PRMT7: variants seen among roughly 807,000 people sequenced by gnomAD.
The protein encoded by PRMT7 is protein arginine N-methyltransferase 7.
In PRMT7, 75 loss-of-function variants were observed where a neutral mutation model predicts 85.4. The observed-to-expected ratio is 0.88, with a 90% CI of 0.73 to 1.06. PRMT7 has a LOEUF of 1.06. Ranked by LOEUF, PRMT7 falls within the 50% of genes least tolerant of loss-of-function variation. The pLI is 0.00. For synonymous variants in PRMT7, 397 were observed against 359.5 expected (o/e 1.10, Z -1.18); for missense variants, 868 against 915.2 (o/e 0.95, Z 0.67).
chr16:68,319,376 G>A (rs563793847), intron 3 of PRMT7, among the ~76,000 whole-genome samples: 11 of 152,256 alleles, frequency 7.2e-5, no homozygotes, highest in Non-Finnish European at 1.3e-4. Flanking sequence ...CAGAGGCACT[G>A]GGAAGTCCCA....
At chr16:68,330,029 G>T (rs1049574682) in intron 6 of PRMT7, among the ~76,000 whole-genome samples, 2 of 152,140 alleles carry the variant, frequency 1.3e-5, no homozygotes, top group African/African-American at 2.4e-5. Context: ...AAGTAGCGGT[G>T]ATTACAGGTG....
At position 68,356,776 on chromosome 16, in the gene PRMT7, C is replaced by G; in HGVS notation, c.1887C>G (p.Leu629=). The change falls in exon 18 of 19, where the codon CTC becomes CTG. Residue 629 remains leucine (L), a synonymous_variant. Coordinates refer to ENST00000441236, the MANE Select transcript of PRMT7 (RefSeq NM_019023.5). ...CGGAGTGCACGCTCAGCACTGGCCT[C>G]CTGGAGCCTGCAGACCCCGAGGTAG... ...LTPECTLSTG[L]LEPADPEGGC... is the part of the protein sequence containing the mutation. 1 of 1,609,944 alleles carries G rather than the reference C, an allele frequency of 6.2e-7. No homozygotes were observed. Among genetic ancestry groups the G allele is most frequent in the Non-Finnish European group, 8.5e-7 (1 of 1,179,436 alleles).
At chr16:68,320,035 CAT>C (rs778629517) in intron 3 of PRMT7, among the ~76,000 whole-genome samples, 24 of 152,318 alleles carry the variant, frequency 1.6e-4, no homozygotes, top group Admixed American at 7.8e-4. Flanking sequence ...GTACCTGTCA[CAT>C]ATACAGTGGG....
At chr16:68,327,929 CAAA>C (rs573968363) in intron 5 of PRMT7, among the ~76,000 whole-genome samples, 7 of 92,944 alleles carry the variant, frequency 7.5e-5, no homozygotes, top group African/African-American at 1.2e-4. Context: ...AGACCCTTCT[CAAA>C]AAAAAAAAAA....
In PRMT7 at chr16:68,311,159, A is replaced by C. The variant is rs1597039093; in HGVS notation, c.-219+60A>C. 1.2e-4 allele frequency: 78 copies of C among 634,474 alleles called. 1 individual carries two copies. In the East Asian group the frequency reaches 2.1e-3, roughly 17 times the overall value. 39.3% of individuals were successfully genotyped at this position (634,474 alleles called of 1,614,324 possible). A position where few individuals can be genotyped will look rare whatever the true frequency, so the allele number is the denominator to read the frequency against. On this transcript the variant is annotated intron_variant, in intron 1 of 18. Transcript: ENST00000441236. The stretch of plus-strand genomic sequence containing the variant: ...CTTTGGGGTTCTGTGTGCAGCGAGC[A>C]TGGTGTCCTTGGCACCAGGGTTTCG...
intron 11 of PRMT7, 31 bp downstream of exon 11, chr16:68,346,311 G>A: frequency 6.2e-7 from 1 of 1,610,056 alleles, no homozygotes; most frequent in Non-Finnish European, 8.5e-7. Flanking sequence ...CTTGTTGTGG[G>A]GAAAAGGGAG....
At chr16:68,355,514 C>T (rs573115506) in intron 16 of PRMT7, 6 of 449,100 alleles carry the variant, frequency 1.3e-5, no homozygotes, top group South Asian at 6.3e-5. Flanking sequence ...ATCCGGAGAG[C>T]GAGGCTCAGA....
At chr16:68,348,658 T>G (rs1054384104) in intron 14 of PRMT7, among the ~76,000 whole-genome samples, 1 of 134,048 alleles carries the variant, frequency 7.5e-6, no homozygotes, top group African/African-American at 3.5e-5. Flanking sequence ...TTTTTTTTTT[T>G]TGAAAATGGG....
At chr16:68,327,618 G>A (rs757371812) in intron 5 of PRMT7, among the ~76,000 whole-genome samples, 3 of 152,248 alleles carry the variant, frequency 2.0e-5, no homozygotes, top group East Asian at 1.9e-4. Context: ...TTCACTTTTC[G>A]TGATTTCAGT....
At chr16:68,347,940 G>A (rs146967833) in intron 13 of PRMT7, among the ~76,000 whole-genome samples, 29 of 152,302 alleles carry the variant, frequency 1.9e-4, no homozygotes, top group East Asian at 9.6e-4. Flanking sequence ...CTACTGTTGC[G>A]GTAGAATTAA....
chr16:68,360,796 G>A (rs1015666790), downstream of PRMT7: 6 of 174,152 alleles, frequency 3.4e-5, no homozygotes, highest in South Asian at 2.7e-4. Context: ...CGTGGCATGC[G>A]GGCAGCGTGC....
intron 9 of PRMT7, among the ~76,000 whole-genome samples, chr16:68,343,204 C>CA (rs11419059): frequency 0.13 from 19,633 of 147,610 alleles, 1,313 homozygotes; most frequent in African/African-American, 0.17. Context: ...AACTCCGTCT[C>CA]AAAAAAAAAA....
chr16:68,333,313 C>G (rs938763645), intron 6 of PRMT7, among the ~76,000 whole-genome samples: 5 of 152,006 alleles, frequency 3.3e-5, no homozygotes, highest in Non-Finnish European at 5.9e-5. Context: ...AGAAACCTGT[C>G]TCTACTAAAA....
In PRMT7 at chr16:68,339,526, G is replaced by A. The variant is rs144242458; in HGVS notation, c.709G>A (p.Asp237Asn). The change falls in exon 8 of 19, where the codon GAC (aspartate) becomes AAC (asparagine). Residue 237 changes from aspartate (D) to asparagine (N), a missense_variant. Physicochemically the swap from Asp to Asn is conservative, Grantham distance 23. Transcript: ENST00000441236. The stretch of plus-strand genomic sequence containing the variant: ...TCAGCTGAACCAGGTGTCACCAGCC[G>A]ACTTTACAGTCCTCAGCGATGTGCT... ...DIQLNQVSPA[D>N]FTVLSDVLPM... 3.1e-5 allele frequency: 50 copies of A among 1,613,966 alleles called. No individual in the cohort carries two copies. The highest frequency in any genetic ancestry group is 4.4e-5 in the South Asian group (4 of 91,084).
Position 68,346,215 on chromosome 16 carries a change from C to T in PRMT7, c.1126C>T (p.Arg376Trp), listed in dbSNP as rs141870610. 90 of 1,614,192 alleles carry T rather than the reference C, an allele frequency of 5.6e-5. No homozygotes were observed. The highest frequency in any genetic ancestry group is 2.1e-4 in the African/African-American group (16 of 75,042). ...CDCQAHLLWN[R>W]PRFGEINDQD... is the part of the protein sequence containing the mutation. ...CTGCCAGGCTCACCTGCTCTGGAAC[C>T]GGCCTCGGTTTGGAGAGATCAATGA... is the stretch of plus-strand genomic sequence containing the variant. Residue 376 changes from arginine (R) to tryptophan (W), a missense_variant, in exon 11 of 19, where the codon CGG (arginine) becomes TGG (tryptophan). Arg to Trp is a moderately radical substitution (Grantham distance 101). Coordinates refer to ENST00000441236, the MANE Select transcript of PRMT7 (RefSeq NM_019023.5).
At chr16:68,356,679 T>G in intron 17 of PRMT7, 22 bp from the exon 18 acceptor site, 1 of 1,595,540 alleles carries the variant, frequency 6.3e-7, no homozygotes, top group Non-Finnish European at 8.6e-7. Flanking sequence ...CTACTTCTGC[T>G]GGGCCCCCCT....
At chr16:68,353,998 C>T (rs1289688022) in intron 16 of PRMT7, among the ~76,000 whole-genome samples, 1 of 152,156 alleles carries the variant, frequency 6.6e-6, no homozygotes, top group African/African-American at 2.4e-5. Flanking sequence ...GTCCTGACAG[C>T]GCCAGTGGTC....
intron 3 of PRMT7, 133 bp from the exon 4 acceptor site, chr16:68,321,293 A>G: frequency 3.0e-6 from 2 of 676,522 alleles, no homozygotes; most frequent in Non-Finnish European, 4.8e-6. Context: ...AAATAAAGAT[A>G]AAAGACAACC....
intron 2 of PRMT7, among the ~76,000 whole-genome samples, chr16:68,313,790 G>A (rs917339529): frequency 3.9e-5 from 6 of 152,340 alleles, no homozygotes; most frequent in African/African-American, 7.2e-5. Context: ...TAAAAGTGCA[G>A]CTGGGTGCCG....
Sources: allele counts gnomAD v4.1 joint callset (sites outside exome capture counted in the v4.1 genomes callset), GRCh38; gene constraint gnomAD v4.1.1; transcripts MANE v1.5; gene names NCBI Gene and HGNC (gene_info 2026-07-23, HGNC 2026-07-21).